Variants in MGMT observed in about 807,000 individuals in gnomAD.
The protein encoded by MGMT is O-6-methylguanine-DNA methyltransferase.
In MGMT, 14 loss-of-function variants were observed where a neutral mutation model predicts 15.9. The ratio of observed to expected loss-of-function variants is 0.88; its 90% CI spans 0.58 to 1.37. The LOEUF is 1.37. Among genes scored for constraint, MGMT ranks in the 40% most tolerant of loss-of-function variants. The pLI, the probability that MGMT is intolerant of heterozygous loss-of-function variation, is 0.00. For synonymous variants in MGMT, 130 were observed against 118.2 expected, an observed-to-expected ratio of 1.10 and a Z score of -0.65; for missense variants, 282 against 268.1, an observed-to-expected ratio of 1.05 and a Z score of -0.36.
intron 2 of MGMT, among the ~76,000 whole-genome samples, chr10:129,537,727 AAT>A (rs542591805): frequency 6.0e-4 from 92 of 152,384 alleles, no homozygotes; most frequent in African/African-American, 2.2e-3. Flanking sequence ...GAACTTTCTG[AAT>A]CAAGTTAGGA....
intron 3 of MGMT, among the ~76,000 whole-genome samples, chr10:129,721,118 C>G (rs1848366259): frequency 6.6e-6 from 1 of 152,236 alleles, no homozygotes; most frequent in Non-Finnish European, 1.5e-5. Flanking sequence ...GTATTCAAAA[C>G]TGACTTACGA....
chr10:129,627,608 T>C (rs1847165440), intron 2 of MGMT, among the ~76,000 whole-genome samples: 1 of 152,178 alleles, frequency 6.6e-6, no homozygotes, highest in Non-Finnish European at 1.5e-5. Context: ...TCACCAACAC[T>C]TCCTTCCTCA....
intron 3 of MGMT, among the ~76,000 whole-genome samples, chr10:129,734,371 T>C (rs1175482625): frequency 6.9e-6 from 1 of 144,878 alleles, no homozygotes; most frequent in African/African-American, 2.5e-5. Context: ...TGTCTGTTAT[T>C]GGTGTATAAG....
rs888549939 is a variant in MGMT at position 129,475,407 on chromosome 10, G to T, written c.-13+8111G>T. ...CAGCACAGTGCATGAGAGGCGTGAG[G>T]CACGGCGGATGCTGCGGGTCTTATA... On this transcript the variant is annotated intron_variant, in intron 1 of 4. Transcript: ENST00000651593. 2.0e-5 allele frequency among the ~76,000 whole-genome samples: 3 copies of T among 152,190 alleles called. No homozygotes were observed. In the South Asian group the frequency reaches 6.2e-4, roughly 31 times the overall value.
chr10:129,754,795 AT>A (rs1425196607), intron 3 of MGMT, among the ~76,000 whole-genome samples: 1 of 152,194 alleles, frequency 6.6e-6, no homozygotes, highest in African/African-American at 2.4e-5. Context: ...AACAGCATTC[AT>A]CCATTCCTGA....
intron 2 of MGMT, among the ~76,000 whole-genome samples, chr10:129,604,307 G>A (rs994393142): frequency 6.6e-6 from 1 of 152,122 alleles, no homozygotes; most frequent in African/African-American, 2.4e-5. Context: ...AGAGAGCCTA[G>A]CACTTAATTC....
rs1846218790 is a variant in MGMT, at chr10:129,556,742, A to G, written c.125+20365A>G. On this transcript the variant is annotated intron_variant, in intron 2 of 4. Transcript: ENST00000651593. The surrounding 1 kb of genome is among the most constrained non-coding windows in gnomAD (Gnocchi z 4.3). ...ACACATATTTGAAAAGAAAGGTTTG[A>G]GAAGGCATCCATTATTAAAACCAAA... Among the ~76,000 whole-genome samples the G allele has an allele frequency of 6.6e-6, 1 of 152,242 alleles. No homozygotes were observed. Among genetic ancestry groups the G allele is most frequent in the Non-Finnish European group, 1.5e-5 (1 of 68,040 alleles).
At chr10:129,572,024 C>T (rs1162082246) in intron 2 of MGMT, among the ~76,000 whole-genome samples, 1 of 152,128 alleles carries the variant, frequency 6.6e-6, no homozygotes, top group Admixed American at 6.5e-5. Context: ...CGTAACTGAC[C>T]CTGCCAGGGC....
chr10:129,704,839 G>A (rs1848141313), intron 2 of MGMT, among the ~76,000 whole-genome samples: 1 of 152,112 alleles, frequency 6.6e-6, no homozygotes, highest in Non-Finnish European at 1.5e-5. Flanking sequence ...AAATGCTCCA[G>A]CCCAGAGACC....
At chr10:129,624,887 A>G (rs543159229) in intron 2 of MGMT, among the ~76,000 whole-genome samples, 13 of 152,344 alleles carry the variant, frequency 8.5e-5, no homozygotes, top group Middle Eastern at 3.4e-3. Context: ...GACAAAGTAG[A>G]TATTAAGAAA....
At chr10:129,707,138 G>A (rs12785020) in intron 2 of MGMT, among the ~76,000 whole-genome samples, 35,553 of 151,932 alleles carry the variant, frequency 0.23, 4,813 homozygotes, top group East Asian at 0.33. Context: ...TTAGCTGGCC[G>A]TGGTGGCAGT....
intron 2 of MGMT, among the ~76,000 whole-genome samples, chr10:129,681,173 C>T (rs1038028325): frequency 2.6e-5 from 4 of 152,208 alleles, no homozygotes; most frequent in East Asian, 1.9e-4. Flanking sequence ...GCCGTAGCAC[C>T]GGGTGCGCTG....
chr10:129,597,312 G>A (rs1456342920), intron 2 of MGMT, among the ~76,000 whole-genome samples: 10 of 152,144 alleles, frequency 6.6e-5, no homozygotes, highest in African/African-American at 2.4e-4. Context: ...GCTACGACTG[G>A]AAAACTCGGC....
chr10:129,469,570 C>A (rs1845207358), intron 1 of MGMT, among the ~76,000 whole-genome samples: 1 of 152,194 alleles, frequency 6.6e-6, no homozygotes, highest in Admixed American at 6.5e-5. Flanking sequence ...ACACATTGAG[C>A]CTCCCAGACC....
chr10:129,669,380 A>G (rs1847696391), intron 2 of MGMT, among the ~76,000 whole-genome samples: 1 of 151,364 alleles, frequency 6.6e-6, no homozygotes, highest in African/African-American at 2.4e-5. Context: ...TACCAATTTT[A>G]CTCACCTTTT....
At chr10:129,729,689 A>G (rs1848474543) in intron 3 of MGMT, among the ~76,000 whole-genome samples, 1 of 152,216 alleles carries the variant, frequency 6.6e-6, no homozygotes, top group South Asian at 2.1e-4. Flanking sequence ...GTCAGTAATG[A>G]TATGCCTGCC....
At chr10:129,608,943 A>C (rs747886217) in intron 2 of MGMT, among the ~76,000 whole-genome samples, 1 of 152,254 alleles carries the variant, frequency 6.6e-6, no homozygotes, top group Non-Finnish European at 1.5e-5. Flanking sequence ...ATTTAAGTGA[A>C]GTAAAGCATG....
chr10:129,619,876 A>T (rs1847071745), intron 2 of MGMT, among the ~76,000 whole-genome samples: 1 of 152,070 alleles, frequency 6.6e-6, no homozygotes, highest in Admixed American at 6.5e-5. Flanking sequence ...CAGTCTTGTT[A>T]CAGGTTTATT....
chr10:129,560,180 G>A (rs1846260740), intron 2 of MGMT, among the ~76,000 whole-genome samples: 1 of 152,202 alleles, frequency 6.6e-6, no homozygotes, highest in African/African-American at 2.4e-5. Flanking sequence ...ACCTTGCAAT[G>A]CAAAGTTTCA....
Sources: gnomAD v4.1 joint callset for allele counts (sites outside exome capture counted in the v4.1 genomes callset) on GRCh38, gnomAD v4.1.1 for gene constraint, Gnocchi (gnomAD v3.1) non-coding constraint, MANE v1.5 for transcripts, NCBI Gene and HGNC (gene_info 2026-07-23, HGNC 2026-07-21) for gene names.